The following DDX31 variants were observed in gnomAD, a reference collection of about 807,000 sequenced individuals.
DDX31 encodes the protein DEAD-box helicase 31.
DDX31 carries 70 observed loss-of-function variants against 91.3 expected under a neutral mutation model. That is an observed-to-expected ratio of 0.77 (90% confidence interval 0.63 to 0.94). The LOEUF (loss-of-function observed/expected upper bound fraction) is 0.94. DDX31 is among the 40% of genes least tolerant of loss of function. DDX31 has a pLI of 0.00. For synonymous variants in DDX31, 362 were observed against 350.6 expected (o/e 1.03, Z -0.36); for missense variants, 902 against 925.0 (o/e 0.98, Z 0.32).
chr9:132,637,078 G>A (rs760690560), intron 14 of DDX31, among the ~76,000 whole-genome samples: 2 of 152,104 alleles, frequency 1.3e-5, no homozygotes, highest in Non-Finnish European at 2.9e-5. Context: ...TGGTATCATG[G>A]CAATTAGGCA....
chr9:132,599,461 G>A (rs1830613832), intron 19 of DDX31, among the ~76,000 whole-genome samples: 1 of 152,222 alleles, frequency 6.6e-6, no homozygotes, highest in African/African-American at 2.4e-5. Context: ...TATAGGAAAT[G>A]TATCAGGGTT....
chr9:132,640,668 T>G (rs556491436), intron 14 of DDX31, among the ~76,000 whole-genome samples: 12 of 152,206 alleles, frequency 7.9e-5, no homozygotes, highest in Non-Finnish European at 1.6e-4. Flanking sequence ...GGCTAATTTT[T>G]ATTCCTTAAT....
chr9:132,658,103 C>A (rs902762346), intron 6 of DDX31: 1 of 557,134 alleles, frequency 1.8e-6, no homozygotes, highest in Non-Finnish European at 3.2e-6. Context: ...ACCAAATCAC[C>A]TTTATTGAGT....
intron 14 of DDX31, 32 bp from the exon 15 acceptor site, chr9:132,632,123 T>C (rs776101546): frequency 7.5e-6 from 12 of 1,601,258 alleles, no homozygotes; most frequent in African/African-American, 1.3e-5. Flanking sequence ...GGTTTAACAC[T>C]GAGTTTCTGA....
At position 132,618,415 on chromosome 9, in the gene DDX31, T is replaced by A. The variant is rs1219275134; in HGVS notation, c.1740A>T (p.Glu580Asp). 1 of 1,611,732 alleles carries A rather than the reference T, an allele frequency of 6.2e-7. No homozygotes were observed. The highest frequency in any genetic ancestry group is 1.3e-5 in the African/African-American group (1 of 74,962). Residue 580 changes from glutamate (E) to aspartate (D), a missense_variant, in exon 18 of 20, where the codon GAA becomes GAT. By Grantham distance (45) the Glu-to-Asp change is conservative. Coordinates refer to ENST00000372159, the MANE Select transcript of DDX31 (RefSeq NM_022779.9). ...AQKSHAVGPQ[E>D]IRERATVLQT... ...GCAAGACTGTGGCTCGCTCTCGGAT[T>A]TCCTGGGGGCCAACAGCATGGGATT...
At chr9:132,651,159 C>CAT in intron 7 of DDX31, 43 bp from the exon 8 acceptor site, 2 of 1,253,256 alleles carry the variant, frequency 1.6e-6, no homozygotes, top group Non-Finnish European at 2.2e-6. Context: ...CAGGATCCCC[C>CAT]TTTTTTTTTT....
intron 1 of DDX31, among the ~76,000 whole-genome samples, chr9:132,664,870 T>C (rs1835212423): frequency 6.6e-6 from 1 of 152,120 alleles, no homozygotes; most frequent in Admixed American, 6.6e-5. Context: ...CCTTTGCACA[T>C]GCTACTCCCA....
intron 19 of DDX31, among the ~76,000 whole-genome samples, chr9:132,610,758 T>C (rs916123419): frequency 2.0e-5 from 3 of 152,158 alleles, no homozygotes; most frequent in Non-Finnish European, 4.4e-5. Context: ...ATCACCTGAT[T>C]TTGATTCTCA....
intron 1 of DDX31, among the ~76,000 whole-genome samples, chr9:132,666,312 AAT>A (rs1835303426): frequency 6.6e-6 from 1 of 152,140 alleles, no homozygotes; most frequent in Non-Finnish European, 1.5e-5. Flanking sequence ...TGTCTGAAGA[AAT>A]AGAGCTTCAT....
At position 132,612,234 on chromosome 9, in the gene DDX31, G is replaced by C; in HGVS notation, c.1847C>G (p.Ala616Gly). ...AKKALQSFIQ[A>G]YATYPRELKH... ...CAGCTCCCTGGGGTAGGTGGCGTAGGCTTGGATGAAGGACTGCAGAGCTGA... is the reference window on the plus strand; with the variant it reads ...CAGCTCCCTGGGGTAGGTGGCGTAGCCTTGGATGAAGGACTGCAGAGCTGA... The change falls in exon 19 of 20, where the codon GCC becomes GGC. Residue 616 changes from alanine (A) to glycine (G), a missense_variant. Transcript: ENST00000372159. 6.2e-7 allele frequency: 1 copy of C among 1,614,198 alleles called. No individual in the cohort carries two copies. Among genetic ancestry groups the C allele is most frequent in the Non-Finnish European group, 8.5e-7 (1 of 1,180,050 alleles).
In DDX31 at chr9:132,648,441, T is replaced by G; in HGVS notation, c.851A>C (p.Glu284Ala). 2 of 1,613,530 alleles carry G rather than the reference T, an allele frequency of 1.2e-6. No homozygotes were observed. Among genetic ancestry groups the G allele is most frequent in the Non-Finnish European group, 1.7e-6 (2 of 1,179,840 alleles). ...CTGGGACGAGGCTCACCTGTCTGCT[T>G]CATCAAACACCAACCACCGCAGCCG... ...FSRLRWLVFD[E>A]ADRILDLGFE... Residue 284 changes from glutamate to alanine, a missense_variant, in exon 10 of 20, where the codon GAA (glutamate) becomes GCA (alanine). Glu to Ala is a moderately radical substitution (Grantham distance 107). Coordinates refer to ENST00000372159, the MANE Select transcript of DDX31 (RefSeq NM_022779.9).
At chr9:132,654,348 C>T (rs751369059) in intron 6 of DDX31, among the ~76,000 whole-genome samples, 2 of 152,148 alleles carry the variant, frequency 1.3e-5, no homozygotes, top group Non-Finnish European at 2.9e-5. Context: ...CGGTGGCTCA[C>T]GCCTGTAATC....
Position 132,645,931 on chromosome 9 carries a change from T to C in DDX31, c.1344A>G (p.Leu448=). ...TGCCGCCATGCAGCCGTAGGAATTT[T>C]AATCGCATGGAGGCAGATGGCAACT... ...SGQLPSASMR[L]KFLRLHGGME... The change falls in exon 13 of 20, where the codon TTA becomes TTG. Residue 448 remains leucine, a synonymous_variant. Transcript: ENST00000372159. 6.2e-7 allele frequency: 1 copy of C among 1,613,750 alleles called. No homozygotes were observed.
chr9:132,618,508 A>G, intron 17 of DDX31, 67 bp from the exon 18 acceptor site: 14 of 1,339,464 alleles, frequency 1.0e-5, no homozygotes, highest in Non-Finnish European at 2.1e-6. Flanking sequence ...AGCAGTTTAT[A>G]ATAGATTTAA....
chr9:132,648,112 C>A, intron 11 of DDX31, 77 bp downstream of exon 11: 1 of 1,250,714 alleles, frequency 8.0e-7, no homozygotes, highest in Non-Finnish European at 1.1e-6. Context: ...ATCACTGCAG[C>A]AAACAACCCA....
chr9:132,625,702 T>C lies in DDX31; in HGVS notation c.1675A>G (p.Arg559Gly). 4.3e-6 allele frequency: 7 copies of C among 1,613,952 alleles called. No individual in the cohort carries two copies. The highest frequency in any genetic ancestry group is 5.9e-6 in the Non-Finnish European group (7 of 1,179,988). The change falls in exon 17 of 20, where the codon AGA becomes GGA. Residue 559 changes from arginine to glycine, a missense_variant. Coordinates refer to ENST00000372159, the MANE Select transcript of DDX31 (RefSeq NM_022779.9). Reference sequence around the variant, plus strand: ...CGTTTCCCTTTAAAACAATCATCTCTTGTCAGAACACACAAAATATCTTCC... The same window carrying C: ...CGTTTCCCTTTAAAACAATCATCTCCTGTCAGAACACACAAAATATCTTCC... Reference protein sequence around the residue: ...KMEDILCVLTRDDCFKGKRWG... With the variant: ...KMEDILCVLTGDDCFKGKRWG...
intron 1 of DDX31, among the ~76,000 whole-genome samples, chr9:132,662,903 C>G (rs1704734089): frequency 6.6e-6 from 1 of 152,174 alleles, no homozygotes; most frequent in African/African-American, 2.4e-5. Context: ...AGAAAAAAGT[C>G]TCAGCTCACT....
intron 16 of DDX31, among the ~76,000 whole-genome samples, chr9:132,626,086 C>T (rs1832372307): frequency 6.7e-6 from 1 of 148,278 alleles, no homozygotes; most frequent in Admixed American, 6.8e-5. Flanking sequence ...TTGATTTGAG[C>T]AGATGATGAT....
In DDX31 at chr9:132,645,941, G is replaced by A. The variant is rs778452005; in HGVS notation, c.1334C>T (p.Ser445Phe). The A allele has an allele frequency of 1.2e-6, 2 of 1,613,776 alleles. No individual in the cohort carries two copies. Among genetic ancestry groups the A allele is most frequent in the South Asian group, 2.2e-5 (2 of 90,976 alleles). ...APASGQLPSA[S>F]MRLKFLRLHG... Reference sequence around the variant, plus strand: ...CAGCCGTAGGAATTTTAATCGCATGGAGGCAGATGGCAACTGCCCTGATGC... The same window carrying A: ...CAGCCGTAGGAATTTTAATCGCATGAAGGCAGATGGCAACTGCCCTGATGC... The change falls in exon 13 of 20, where the codon TCC (serine) becomes TTC (phenylalanine). Residue 445 changes from serine to phenylalanine, a missense_variant. Physicochemically the swap from Ser to Phe is radical, Grantham distance 155. Coordinates refer to ENST00000372159, the MANE Select transcript of DDX31 (RefSeq NM_022779.9).
Sources: gnomAD v4.1 joint callset for allele counts (sites outside exome capture counted in the v4.1 genomes callset) on GRCh38, gnomAD v4.1.1 for gene constraint, MANE v1.5 for transcripts, NCBI Gene and HGNC (gene_info 2026-07-23, HGNC 2026-07-21) for gene names.